Variants in VPS8 observed in about 807,000 individuals in gnomAD.
The protein encoded by VPS8 is vacuolar protein sorting-associated protein 8 homolog.
VPS8 carries 129 observed loss-of-function variants against 216.4 expected under a neutral mutation model. The ratio of observed to expected loss-of-function variants is 0.60; its 90% CI spans 0.52 to 0.69. VPS8 has a LOEUF of 0.69. Ranked by LOEUF, VPS8 falls within the 30% of genes least tolerant of loss-of-function variation. The pLI, the probability that VPS8 is intolerant of heterozygous loss-of-function variation, is 0.00. For missense variants in VPS8, 1,531 were observed against 1,683.5 expected (o/e 0.91, Z 1.59); for synonymous variants, 571 against 565.4 (o/e 1.01, Z -0.14).
chr3:185,008,543 A>G (rs1242347249), intron 45 of VPS8, among the ~76,000 whole-genome samples: 1 of 152,178 alleles, frequency 6.6e-6, no homozygotes. Context: ...ATAGAATAGT[A>G]TAAGGGAGAA....
intron 22 of VPS8, among the ~76,000 whole-genome samples, chr3:184,888,539 A>G (rs938522247): frequency 2.0e-5 from 3 of 152,084 alleles, no homozygotes; most frequent in African/African-American, 7.2e-5. Context: ...ATTCCTTGTT[A>G]TATGTCCTGT....
In VPS8 at chr3:184,915,550, C is replaced by T. The variant is rs1737401752; in HGVS notation, c.2382+76C>T. On this transcript the variant is annotated intron_variant, in intron 28 of 47. Coordinates refer to ENST00000625842, the MANE Select transcript of VPS8 (RefSeq NM_001009921.3). ...TTTTTTGGCGGGGTGTGGTGGCTCA[C>T]CCCTGTAATCCCAACACTTTGGCCG... is the stretch of plus-strand genomic sequence containing the variant. 4.1e-6 allele frequency: 6 copies of T among 1,477,718 alleles called. No individual in the cohort carries two copies. In the South Asian group the frequency reaches 6.2e-5, roughly 15 times the overall value. The allele number at this position is 1,477,718 out of a possible 1,614,324, so 91.5% of individuals were successfully genotyped here.
At chr3:184,859,904 T>G (rs575024903) in intron 14 of VPS8, 81 bp from the exon 15 acceptor site, 1 of 988,074 alleles carries the variant, frequency 1.0e-6, no homozygotes, top group South Asian at 1.5e-5. Flanking sequence ...AATGTGATAC[T>G]CTAGGTGGAG....
intron 21 of VPS8, among the ~76,000 whole-genome samples, chr3:184,873,990 A>C (rs980489530): frequency 2.0e-5 from 3 of 152,146 alleles, no homozygotes; most frequent in African/African-American, 7.2e-5. Context: ...GGTGAAGTGC[A>C]TGCACCGTCA....
chr3:184,884,221 C>A (rs1730783437), intron 21 of VPS8, among the ~76,000 whole-genome samples: 1 of 152,130 alleles, frequency 6.6e-6, no homozygotes, highest in Non-Finnish European at 1.5e-5. Context: ...ATCCCTCCCC[C>A]AGCCCCCGAC....
chr3:184,812,730 C>A (rs1490447825), intron 1 of VPS8: 3 of 152,396 alleles, frequency 2.0e-5, no homozygotes, highest in East Asian at 1.9e-4. Flanking sequence ...CGCGCCCGCT[C>A]CCCCGACTGT....
In VPS8 at chr3:184,855,795, G is replaced by C. The variant is rs771538232; in HGVS notation, c.1120G>C (p.Gly374Arg). ...GAATCCCATGCTTGCCTTCTGCAGA[G>C]GAGATGTTGTTCATTTTCTATTGGT... Reference protein sequence around the residue: ...YVNPMLAFCRGDVVHFLLVKR... With the variant: ...YVNPMLAFCRRDVVHFLLVKR... The change falls in exon 14 of 48, where the codon GGA becomes CGA. Residue 374 changes from glycine to arginine, a missense_variant. Physicochemically the swap from Gly to Arg is moderately radical, Grantham distance 125. Transcript: ENST00000625842. The C allele has an allele frequency of 6.2e-7, 1 of 1,613,142 alleles. No individual in the cohort carries two copies. Among genetic ancestry groups the C allele is most frequent in the African/African-American group, 1.3e-5 (1 of 74,810 alleles).
chr3:185,034,143 A>G (rs990040614), intron 46 of VPS8, among the ~76,000 whole-genome samples: 1 of 151,984 alleles, frequency 6.6e-6, no homozygotes, highest in Non-Finnish European at 1.5e-5. Flanking sequence ...AACATGTGGT[A>G]TTTTGTTTTC....
At chr3:184,856,921 A>C (rs1725366497) in intron 14 of VPS8, among the ~76,000 whole-genome samples, 1 of 152,166 alleles carries the variant, frequency 6.6e-6, no homozygotes. Flanking sequence ...CGGGTCTCCA[A>C]CCAAGGCCCA....
chr3:184,925,412 G>A (rs1347264362), intron 30 of VPS8, among the ~76,000 whole-genome samples: 1 of 152,162 alleles, frequency 6.6e-6, no homozygotes, highest in Non-Finnish European at 1.5e-5. Flanking sequence ...AATACTTTTT[G>A]TCTGGAGAAA....
intron 46 of VPS8, among the ~76,000 whole-genome samples, chr3:185,031,801 CAG>C (rs997287432): frequency 1.3e-5 from 2 of 152,164 alleles, no homozygotes; most frequent in African/African-American, 4.8e-5. Context: ...TGCCTTTGGT[CAG>C]AGTTTGGACT....
chr3:185,036,596 G>A (rs752909504), intron 46 of VPS8, among the ~76,000 whole-genome samples: 2 of 150,530 alleles, frequency 1.3e-5, no homozygotes. Context: ...TTTTTTTAGT[G>A]GTGGCCTAGG....
At chr3:185,048,373 A>G in intron 46 of VPS8, 106 bp from the exon 47 acceptor site, 1 of 1,094,334 alleles carries the variant, frequency 9.1e-7, no homozygotes, top group Non-Finnish European at 1.4e-6. Flanking sequence ...GATTGTTTTC[A>G]GGAGAATGAA....
At chr3:184,861,544 A>C (rs1214866147) in intron 15 of VPS8, among the ~76,000 whole-genome samples, 2 of 152,224 alleles carry the variant, frequency 1.3e-5, no homozygotes, top group African/African-American at 2.4e-5. Flanking sequence ...CAGTGTTGTC[A>C]TCACCAGAAC....
At chr3:185,024,512 TG>T in intron 46 of VPS8, 123 bp downstream of exon 46, 1 of 1,112,828 alleles carries the variant, frequency 9.0e-7, no homozygotes, top group Non-Finnish European at 1.3e-6. Context: ...GGGTTATTTC[TG>T]ATTAGATGCT....
intron 8 of VPS8, among the ~76,000 whole-genome samples, chr3:184,844,442 T>A (rs1722736745): frequency 1.3e-5 from 2 of 151,516 alleles, no homozygotes. Context: ...AAATAAAAAA[T>A]AAAAAATAAG....
chr3:184,840,933 C>T (rs1722029625), intron 7 of VPS8, among the ~76,000 whole-genome samples: 1 of 151,996 alleles, frequency 6.6e-6, no homozygotes, highest in African/African-American at 2.4e-5. Flanking sequence ...CCTTATTTAC[C>T]ATGGAAGTGG....
chr3:184,916,341 T>C (rs1737584565), intron 28 of VPS8, among the ~76,000 whole-genome samples: 1 of 152,078 alleles, frequency 6.6e-6, no homozygotes, highest in Admixed American at 6.6e-5. Flanking sequence ...TTATGGAAAA[T>C]GCTTATAGTG....
At chr3:184,951,444 C>T (rs1744682164) in intron 36 of VPS8, among the ~76,000 whole-genome samples, 1 of 101,268 alleles carries the variant, frequency 9.9e-6, no homozygotes, top group Non-Finnish European at 2.6e-5. Flanking sequence ...GAAATTACAG[C>T]ACTTCACTCC....
Sources: gnomAD v4.1 joint callset for allele counts (sites outside exome capture counted in the v4.1 genomes callset) on GRCh38, gnomAD v4.1.1 for gene constraint, MANE v1.5 for transcripts, NCBI Gene and HGNC (gene_info 2026-07-23, HGNC 2026-07-21) for gene names.